The following PAK4 variants were observed in gnomAD, a reference collection of about 807,000 sequenced individuals.
PAK4 encodes p21 (RAC1) activated kinase 4, also known as serine/threonine-protein kinase PAK 4.
PAK4 carries 49 observed loss-of-function variants against 53.5 expected under a neutral mutation model. The observed-to-expected ratio is 0.92, with a 90% confidence interval of 0.73 to 1.16. PAK4 has a LOEUF of 1.16. PAK4 is among the 50% of genes most tolerant of loss of function. The pLI, the probability that PAK4 is intolerant of heterozygous loss-of-function variation, is 0.00. For synonymous variants in PAK4, 376 were observed against 375.6 expected, an observed-to-expected ratio of 1.00 and a Z score of -0.01; for missense variants, 824 against 850.7, an observed-to-expected ratio of 0.97 and a Z score of 0.39.
intron 1 of PAK4, among the ~76,000 whole-genome samples, chr19:39,157,337 A>G (rs1487423344): frequency 6.6e-6 from 1 of 151,786 alleles, no homozygotes. Context: ...CATTGTGTGT[A>G]TACACACGTG....
intron 1 of PAK4, among the ~76,000 whole-genome samples, chr19:39,126,185 CAAAA>C (rs113027991): frequency 1.3e-3 from 203 of 152,006 alleles, no homozygotes; most frequent in African/African-American, 4.4e-3. Context: ...GGGCGAGTCT[CAAAA>C]AAGGCAGGGT....
intron 1 of PAK4, among the ~76,000 whole-genome samples, chr19:39,134,645 G>C (rs1348559884): frequency 1.3e-5 from 2 of 151,854 alleles, no homozygotes; most frequent in Non-Finnish European, 2.9e-5. Flanking sequence ...TGTCACCCAG[G>C]CTGGAGTGCA....
Position 39,173,690 on chromosome 19 carries a change from G to A in PAK4, c.778G>A (p.Gly260Arg), listed in dbSNP as rs1329151787. 2 of 1,586,548 alleles carry A rather than the reference G, an allele frequency of 1.3e-6. No homozygotes were observed. Among genetic ancestry groups the A allele is most frequent in the African/African-American group, 2.7e-5 (2 of 74,194 alleles). Residue 260 changes from glycine (G) to arginine (R), a missense_variant, in exon 4 of 9, where the codon GGA becomes AGA. Coordinates refer to ENST00000358301, the Ensembl canonical transcript of PAK4. The surrounding 1 kb of genome is among the most constrained non-coding windows in gnomAD (Gnocchi z 6.9). ...CCGAGCCCGAGGTGCCCCCAGCCCT[G>A]GAGTGCTGGGACCCCACGCCTCAGA...
At chr19:39,143,993 G>A (rs922804846) in intron 1 of PAK4, among the ~76,000 whole-genome samples, 5 of 151,806 alleles carry the variant, frequency 3.3e-5, no homozygotes, top group Non-Finnish European at 7.4e-5. Flanking sequence ...AGGCTGCAGT[G>A]AGCTCTGATT....
intron 1 of PAK4, among the ~76,000 whole-genome samples, chr19:39,153,003 G>A (rs2074118127): frequency 6.6e-6 from 1 of 152,122 alleles, no homozygotes; most frequent in Admixed American, 6.5e-5. Flanking sequence ...TCCTGCGGGG[G>A]TTCTGGAGCC....
chr19:39,173,576 G>A lies in PAK4; in HGVS notation c.664G>A (p.Gly222Arg), dbSNP rs370852872. 1 of 1,519,804 alleles carries A rather than the reference G, an allele frequency of 6.6e-7. No homozygotes were observed. 94.1% of individuals were successfully genotyped at this position (1,519,804 alleles called of 1,614,324 possible). ...GACAGCTACCTCTCTTCTGTTTCAGGGGGAGCCTCATGACGTGGCCCCTAA... is the reference window on the plus strand; with the variant it reads ...GACAGCTACCTCTCTTCTGTTTCAGAGGGAGCCTCATGACGTGGCCCCTAA... The change falls in exon 4 of 9, where the codon GGG (glycine) becomes AGG (arginine). Residue 222 changes from glycine to arginine, a missense_variant and splice_region_variant. This residue lies in a region of PAK4 where 478 missense variants were observed against 435.8 expected (regional missense o/e 1.10). Transcript: ENST00000358301. This position sits in a 1 kb window ranked among gnomAD's most constrained non-coding sequence, Gnocchi z 6.9.
At chr19:39,142,117 C>A (rs2073920937) in intron 1 of PAK4, among the ~76,000 whole-genome samples, 1 of 152,218 alleles carries the variant, frequency 6.6e-6, no homozygotes, top group South Asian at 2.1e-4. Flanking sequence ...GCTGGGACCA[C>A]AGGTGTGCGC....
intron 1 of PAK4, among the ~76,000 whole-genome samples, chr19:39,131,942 C>T (rs1246200765): frequency 6.6e-6 from 1 of 152,190 alleles, no homozygotes; most frequent in Non-Finnish European, 1.5e-5. Context: ...GTGTGTGCGT[C>T]GTGCTTAGCC....
chr19:39,150,372 G>A (rs748108144), intron 1 of PAK4, among the ~76,000 whole-genome samples: 1 of 152,194 alleles, frequency 6.6e-6, no homozygotes, highest in Non-Finnish European at 1.5e-5. Flanking sequence ...CCTAGGTTCA[G>A]AGTCGTCCTT....
rs933673210 is a variant in PAK4, at chr19:39,174,093, G to A, written c.1098+83G>A. The stretch of plus-strand genomic sequence containing the variant: ...CCCTCCCCTCCTCCCTCCTCTCCCT[G>A]CACTCCTCCGTGCTGGGCCAGGCTC... On this transcript the variant is annotated intron_variant, in intron 4 of 8. Coordinates refer to ENST00000358301, the Ensembl canonical transcript of PAK4. 6.2e-6 allele frequency: 5 copies of A among 805,618 alleles called. No individual in the cohort carries two copies. The African/African-American group carries it at 8.7e-5, about 14-fold the overall frequency. 49.9% of individuals were successfully genotyped at this position (805,618 alleles called of 1,614,324 possible). A position where few individuals can be genotyped will look rare whatever the true frequency, so the allele number is the denominator to read the frequency against.
intron 1 of PAK4, among the ~76,000 whole-genome samples, chr19:39,164,570 G>A (rs992891086): frequency 7.2e-5 from 11 of 152,144 alleles, no homozygotes; most frequent in African/African-American, 2.7e-4. Flanking sequence ...AGGGGTGCTT[G>A]GGAGAAGAGG....
chr19:39,133,427 A>G (rs567039277), intron 1 of PAK4, among the ~76,000 whole-genome samples: 1 of 152,102 alleles, frequency 6.6e-6, no homozygotes, highest in Non-Finnish European at 1.5e-5. Context: ...TCCAAGACAC[A>G]CGTGTTCTTA....
intron 1 of PAK4, 106 bp from the exon 2 acceptor site, chr19:39,168,124 G>C (rs1185277127): frequency 1.3e-5 from 2 of 152,274 alleles, no homozygotes; most frequent in Non-Finnish European, 2.9e-5. Flanking sequence ...GAGGTCAAAG[G>C]CTGTCTGGGT....
At chr19:39,177,581 G>T in intron 7 of PAK4, 94 bp from the exon 9 acceptor site, 1 of 1,362,486 alleles carries the variant, frequency 7.3e-7, no homozygotes, top group Admixed American at 2.5e-5. Flanking sequence ...GGAGCCAGAG[G>T]CAGAGACAGC....
chr19:39,165,525 A>C lies in PAK4; in HGVS notation c.-22-4007A>C, dbSNP rs570343790. ...GCAAGACTCCCTCTCAAAATAAATA[A>C]ATAAATAAATAAATAAATAAATAAA... On this transcript the variant is annotated intron_variant, in intron 1 of 8. Transcript: ENST00000358301. Among the ~76,000 whole-genome samples, 1,027 of 129,382 alleles carry C rather than the reference A, an allele frequency of 7.9e-3. 20 individuals carry two copies. The highest frequency in any genetic ancestry group is 0.024 in the African/African-American group (942 of 39,270). The allele number at this position is 129,382 out of a possible 152,430, so 84.9% of individuals were successfully genotyped here. A position where few individuals can be genotyped will look rare whatever the true frequency, so the allele number is the denominator to read the frequency against.
intron 1 of PAK4, among the ~76,000 whole-genome samples, chr19:39,126,155 G>C (rs891588821): frequency 4.6e-5 from 7 of 152,188 alleles, no homozygotes; most frequent in African/African-American, 1.7e-4. Flanking sequence ...TTCGAAGTGG[G>C]GGCGCGTTCG....
rs529013105 is a variant in PAK4, at chr19:39,166,261, T to G, written c.-22-3271T>G. Among the ~76,000 whole-genome samples the G allele has an allele frequency of 2.0e-5, 3 of 152,276 alleles. No individual in the cohort carries two copies. In the East Asian group the frequency reaches 5.8e-4, roughly 29 times the overall value. On this transcript the variant is annotated intron_variant, in intron 1 of 8. Coordinates refer to ENST00000358301, the Ensembl canonical transcript of PAK4. ...AGAGGTCAGACCAGCCTGGCCAACATGGTGAAACCCCATCTCTACTAAAAA... is the reference window on the plus strand; with the variant it reads ...AGAGGTCAGACCAGCCTGGCCAACAGGGTGAAACCCCATCTCTACTAAAAA...
At chr19:39,136,015 T>C (rs1374405821) in intron 1 of PAK4, among the ~76,000 whole-genome samples, 1 of 103,782 alleles carries the variant, frequency 9.6e-6, no homozygotes, top group Non-Finnish European at 2.0e-5. Flanking sequence ...CCCTTCTTCG[T>C]CACCCCCCTT....
In PAK4 at chr19:39,173,253, C is replaced by T; in HGVS notation, c.540C>T (p.Leu180=). The stretch of plus-strand genomic sequence containing the variant: ...AGTCCTCCCGGGACAAACGCCCCCT[C>T]TCCGGGCCTGATGTCGGCACCCCCC... The change falls in exon 3 of 9, where the codon CTC becomes CTT. Residue 180 remains leucine, a synonymous_variant. Coordinates refer to ENST00000358301, the Ensembl canonical transcript of PAK4. This position sits in a 1 kb window ranked among gnomAD's most constrained non-coding sequence, Gnocchi z 6.9. The T allele has an allele frequency of 6.3e-7, 1 of 1,590,828 alleles. No individual in the cohort carries two copies. The highest frequency in any genetic ancestry group is 8.5e-7 in the Non-Finnish European group (1 of 1,169,670).
Sources: allele counts gnomAD v4.1 joint callset (sites outside exome capture counted in the v4.1 genomes callset), GRCh38; gene constraint gnomAD v4.1.1; regional missense constraint gnomAD v4.1.1; non-coding constraint Gnocchi (gnomAD v3.1); transcripts MANE v1.5; gene names NCBI Gene and HGNC (gene_info 2026-07-23, HGNC 2026-07-21).